The following AHI1 variants were observed in gnomAD, a reference collection of about 807,000 sequenced individuals.
AHI1 encodes the protein Abelson helper integration site 1.
Under a neutral mutation model 149.3 loss-of-function variants are expected in AHI1, and 123 were observed. The ratio of observed to expected loss-of-function variants is 0.82; its 90% CI spans 0.71 to 0.96. The LOEUF is 0.96. AHI1 is among the 40% of genes least tolerant of loss of function. The pLI is 0.00. For missense variants in AHI1, 1,439 were observed against 1,422.7 expected (o/e 1.01, Z -0.18); for synonymous variants, 475 against 459.8 (o/e 1.03, Z -0.42).
At chr6:135,468,699 C>A (rs996589582) in intron 5 of AHI1, among the ~76,000 whole-genome samples, 2 of 152,098 alleles carry the variant, frequency 1.3e-5, no homozygotes, top group Non-Finnish European at 2.9e-5. Flanking sequence ...TGCAGACAAC[C>A]ATCAGAGAAT....
chr6:135,453,285 A>T, intron 11 of AHI1, 56 bp downstream of exon 11: 1 of 1,335,338 alleles, frequency 7.5e-7, no homozygotes. Flanking sequence ...GGGAGAAAGC[A>T]GCCAACTAAA....
At chr6:135,410,733 T>C (rs1471569277) in intron 21 of AHI1, among the ~76,000 whole-genome samples, 1 of 152,220 alleles carries the variant, frequency 6.6e-6, no homozygotes, top group Non-Finnish European at 1.5e-5. Flanking sequence ...GGGACTCTCA[T>C]CTCTTCATTA....
intron 27 of AHI1, 108 bp from the exon 28 acceptor site, chr6:135,290,633 T>A (rs1782228775): frequency 9.7e-7 from 1 of 1,030,404 alleles, no homozygotes; most frequent in Non-Finnish European, 1.5e-6. Context: ...AAAATGGGGA[T>A]AAATGTGAGG....
chr6:135,284,462 G>T lies in AHI1; in HGVS notation c.*1183C>A, dbSNP rs1215705989. The T allele has an allele frequency of 6.6e-6, 1 of 151,876 alleles. No individual in the cohort carries two copies. Among genetic ancestry groups the T allele is most frequent in the African/African-American group, 2.4e-5 (1 of 41,334 alleles). The allele number at this position is 151,876 out of a possible 1,614,324, so 9.4% of individuals were successfully genotyped here. A position where few individuals can be genotyped will look rare whatever the true frequency, so the allele number is the denominator to read the frequency against. On this transcript the variant is annotated 3_prime_UTR_variant, in exon 29 of 29. Coordinates refer to ENST00000265602, the MANE Select transcript of AHI1 (RefSeq NM_001134831.2). The stretch of plus-strand genomic sequence containing the variant: ...TTTCTTGGGGTTAAATATTTTATCA[G>T]CAGACCTTATCACACACTTGAGAAA...
intron 23 of AHI1, among the ~76,000 whole-genome samples, chr6:135,365,112 C>T (rs1033268962): frequency 3.3e-5 from 5 of 152,138 alleles, no homozygotes; most frequent in South Asian, 2.1e-4. Context: ...TTTGCTTTGT[C>T]GAAGATCAGT....
At position 135,306,131 on chromosome 6, in the gene AHI1, T is replaced by C. The variant is rs193128384; in HGVS notation, c.3427-5573A>G. The stretch of plus-strand genomic sequence containing the variant: ...TGACCATTATACCATCCAGACTGTC[T>C]TCTACTACAGTGCACAGAAAACCAG... On this transcript the variant is annotated intron_variant, in intron 26 of 28. Transcript: ENST00000265602. Among the ~76,000 whole-genome samples, 13 of 152,316 alleles carry C rather than the reference T, an allele frequency of 8.5e-5. No individual in the cohort carries two copies. The East Asian group carries it at 2.5e-3, about 29-fold the overall frequency.
At chr6:135,450,320 T>C (rs1372333137) in intron 11 of AHI1, among the ~76,000 whole-genome samples, 3 of 152,228 alleles carry the variant, frequency 2.0e-5, no homozygotes, top group East Asian at 1.9e-4. Flanking sequence ...AGTGATTTGG[T>C]TGGAGAAGCT....
intron 13 of AHI1, 48 bp downstream of exon 13, chr6:135,446,957 TAAG>T: frequency 6.5e-7 from 1 of 1,540,688 alleles, no homozygotes; most frequent in Middle Eastern, 1.7e-4. Context: ...TTGGAGTTTT[TAAG>T]GTAATAAGTA....
At chr6:135,480,803 G>C (rs954043905) in intron 5 of AHI1, among the ~76,000 whole-genome samples, 4 of 152,184 alleles carry the variant, frequency 2.6e-5, no homozygotes, top group Admixed American at 1.3e-4. Context: ...TGGTGGGTGA[G>C]AGCATTATTG....
At chr6:135,424,491 A>C (rs996939716) in intron 20 of AHI1, among the ~76,000 whole-genome samples, 1 of 152,030 alleles carries the variant, frequency 6.6e-6, no homozygotes, top group African/African-American at 2.4e-5. Context: ...GGGAATCCTA[A>C]AAGTACATTA....
In AHI1 at chr6:135,370,171, C is replaced by CT. The variant is rs1774812933; in HGVS notation, c.3110-11985dup. Among the ~76,000 whole-genome samples, 3 of 152,122 alleles carry CT rather than the reference C, an allele frequency of 2.0e-5. No homozygotes were observed. The South Asian group carries it at 6.2e-4, about 32-fold the overall frequency. On this transcript the variant is annotated intron_variant, in intron 23 of 28. Coordinates refer to ENST00000265602, the MANE Select transcript of AHI1 (RefSeq NM_001134831.2). ...TCCCTCAGAAAAGGCTCACCATTTC[C>CT]TTTTTCAGAAAGCTAGGGTGAGGGG...
chr6:135,417,972 G>A (rs1308643312), intron 20 of AHI1, among the ~76,000 whole-genome samples: 1 of 151,968 alleles, frequency 6.6e-6, no homozygotes, highest in African/African-American at 2.4e-5. Context: ...CATTTCAGGG[G>A]TTTCTAAAAC....
At chr6:135,467,662 A>G (rs781722229) in intron 5 of AHI1, 28 bp from the exon 6 acceptor site, 2 of 1,510,504 alleles carry the variant, frequency 1.3e-6, no homozygotes, top group Admixed American at 3.5e-5. Flanking sequence ...ATAAAGTTTC[A>G]GCTAAGCGTA....
chr6:135,324,143 G>C (rs1787285281), intron 24 of AHI1, among the ~76,000 whole-genome samples: 1 of 152,050 alleles, frequency 6.6e-6, no homozygotes. Context: ...AACAAAGCCA[G>C]ACCTCCATCT....
intron 13 of AHI1, among the ~76,000 whole-genome samples, chr6:135,445,059 G>A (rs1302426169): frequency 6.6e-6 from 1 of 152,120 alleles, no homozygotes; most frequent in East Asian, 1.9e-4. Flanking sequence ...CACCTAACTT[G>A]GAAGTTCCCC....
intron 7 of AHI1, among the ~76,000 whole-genome samples, chr6:135,464,683 T>C (rs745961613): frequency 4.6e-5 from 7 of 152,198 alleles, no homozygotes; most frequent in Non-Finnish European, 1.0e-4. Flanking sequence ...AGACAGTCCA[T>C]GTGGCAAGGA....
chr6:135,365,094 A>G (rs576549853), intron 23 of AHI1, among the ~76,000 whole-genome samples: 17 of 152,198 alleles, frequency 1.1e-4, no homozygotes, highest in African/African-American at 3.6e-4. Flanking sequence ...TCCTCACTCT[A>G]TGTTTTGTTT....
At position 135,489,823 on chromosome 6, in the gene AHI1, G is replaced by T. The variant is rs113078131; in HGVS notation, c.135+800C>A. 5.7e-3 allele frequency: 1,055 copies of T among 185,956 alleles called. 2 individuals are homozygous for T. The highest frequency in any genetic ancestry group is 8.5e-3 in the Non-Finnish European group (782 of 91,744). 11.5% of individuals were successfully genotyped at this position (185,956 alleles called of 1,614,324 possible). ...CCAGACAGAATACTAAAATGAACAG[G>T]TCTTAAGAAAAAATGGGGTAAATCT... On this transcript the variant is annotated intron_variant, in intron 5 of 28. Transcript: ENST00000265602.
Position 135,316,905 on chromosome 6 carries a change from A to C in AHI1, c.3426+1614T>G, listed in dbSNP as rs78280532. On this transcript the variant is annotated intron_variant, in intron 26 of 28. Coordinates refer to ENST00000265602, the MANE Select transcript of AHI1 (RefSeq NM_001134831.2). ...TCTAAAACTGAGCTTATCATATCTT[A>C]CTCTGCAAGGAATGGTGATTCCTTT... is the stretch of plus-strand genomic sequence containing the variant. Among the ~76,000 whole-genome samples, 285 of 152,192 alleles carry C rather than the reference A, an allele frequency of 1.9e-3. 1 individual carries two copies. The highest frequency in any genetic ancestry group is 6.6e-3 in the African/African-American group (272 of 41,510).
Sources: gnomAD v4.1 joint callset for allele counts (sites outside exome capture counted in the v4.1 genomes callset) on GRCh38, gnomAD v4.1.1 for gene constraint, MANE v1.5 for transcripts, NCBI Gene and HGNC (gene_info 2026-07-23, HGNC 2026-07-21) for gene names.